Variants in RBPMS2 observed in about 807,000 individuals in gnomAD.
The protein encoded by RBPMS2 is RNA binding protein, mRNA processing factor 2.
In RBPMS2, 14 loss-of-function variants were observed where a neutral mutation model predicts 25.7. That is an observed-to-expected ratio of 0.55 (90% CI 0.36 to 0.85). The LOEUF (loss-of-function observed/expected upper bound fraction) is 0.85. Ranked by LOEUF, RBPMS2 falls within the 40% of genes least tolerant of loss-of-function variation. RBPMS2 has a pLI of 0.01. For synonymous variants in RBPMS2, 127 were observed against 115.6 expected (o/e 1.10, Z -0.63); for missense variants, 252 against 283.4 (o/e 0.89, Z 0.80).
chr15:64,773,967 T>TCA (rs1427395657), intron 1 of RBPMS2, among the ~76,000 whole-genome samples: 1 of 152,252 alleles, frequency 6.6e-6, no homozygotes, highest in African/African-American at 2.4e-5. Flanking sequence ...TGGACAGATG[T>TCA]CACAGTTGTA....
chr15:64,775,323 G>C lies in RBPMS2; in HGVS notation c.-4C>G. The C allele has an allele frequency of 7.7e-7, 1 of 1,301,610 alleles. No individual in the cohort carries two copies. Among genetic ancestry groups the C allele is most frequent in the South Asian group, 2.1e-5 (1 of 48,534 alleles). 80.6% of individuals were successfully genotyped at this position (1,301,610 alleles called of 1,614,324 possible). A position where few individuals can be genotyped will look rare whatever the true frequency, so the allele number is the denominator to read the frequency against. On this transcript the variant is annotated 5_prime_UTR_variant, in exon 1 of 8. Coordinates refer to ENST00000300069, the MANE Select transcript of RBPMS2 (RefSeq NM_194272.3). ...CGTCCGGCTTCAGGTTGCTCATGGT[G>C]CGGGGGAGGGGGCGGCGGGAAGGAA...
intron 1 of RBPMS2, among the ~76,000 whole-genome samples, chr15:64,766,249 C>T (rs746887448): frequency 3.9e-5 from 6 of 152,148 alleles, no homozygotes; most frequent in Non-Finnish European, 8.8e-5. Context: ...AAGGCAGATG[C>T]GCCTAGGCAA....
At chr15:64,747,751 A>G (rs539768350) in intron 6 of RBPMS2, among the ~76,000 whole-genome samples, 1 of 152,172 alleles carries the variant, frequency 6.6e-6, no homozygotes, top group Admixed American at 6.5e-5. Flanking sequence ...TTGGGCACCC[A>G]GCCCAGCACC....
intron 1 of RBPMS2, among the ~76,000 whole-genome samples, chr15:64,769,006 C>T (rs890432742): frequency 5.1e-5 from 7 of 138,592 alleles, no homozygotes; most frequent in African/African-American, 1.9e-4. Flanking sequence ...GAGGCTGAGG[C>T]AGGAGAATGG....
intron 6 of RBPMS2, among the ~76,000 whole-genome samples, chr15:64,747,730 C>G (rs2083631883): frequency 6.6e-6 from 1 of 152,194 alleles, no homozygotes; most frequent in South Asian, 2.1e-4. Context: ...GCCTGACTCC[C>G]TGCCTGCCCA....
intron 1 of RBPMS2, 129 bp downstream of exon 1, chr15:64,775,104 G>A: frequency 2.5e-6 from 1 of 401,674 alleles, no homozygotes; most frequent in Non-Finnish European, 4.0e-6. Flanking sequence ...CGGGCGAGAG[G>A]GCAGCGGCGG....
At chr15:64,771,031 A>G (rs1363548108) in intron 1 of RBPMS2, among the ~76,000 whole-genome samples, 2 of 152,212 alleles carry the variant, frequency 1.3e-5, no homozygotes, top group Admixed American at 6.5e-5. Flanking sequence ...CTTAGCTGCC[A>G]TTAACCCCTG....
chr15:64,774,342 C>T (rs900525412), intron 1 of RBPMS2, among the ~76,000 whole-genome samples: 7 of 152,208 alleles, frequency 4.6e-5, no homozygotes, highest in Admixed American at 1.3e-4. Context: ...TACTCCAGTT[C>T]TTGTCTCCGC....
chr15:64,759,661 T>C lies in RBPMS2; in HGVS notation c.88-8023A>G, dbSNP rs183117164. On this transcript the variant is annotated intron_variant, in intron 1 of 7. Transcript: ENST00000300069. ...TTGCGTGGAAAGGGACTCGGCCTGTTTTTCTTTTTTTAATTATTTTTTAAT... is the reference window on the plus strand; with the variant it reads ...TTGCGTGGAAAGGGACTCGGCCTGTCTTTCTTTTTTTAATTATTTTTTAAT... Among the ~76,000 whole-genome samples the C allele has an allele frequency of 1.8e-4, 27 of 151,796 alleles. 1 individual carries two copies. Among genetic ancestry groups the C allele is most frequent in the Admixed American group, 1.6e-3 (25 of 15,242 alleles).
chr15:64,754,587 G>A (rs1166170624), intron 1 of RBPMS2, among the ~76,000 whole-genome samples: 1 of 151,374 alleles, frequency 6.6e-6, no homozygotes, highest in African/African-American at 2.4e-5. Flanking sequence ...CTCCAGCCTG[G>A]GCAACAAGAG....
rs1484225076 is a variant in RBPMS2, at chr15:64,740,323, G to C, written c.*685C>G. On this transcript the variant is annotated 3_prime_UTR_variant, in exon 8 of 8. Coordinates refer to ENST00000300069, the MANE Select transcript of RBPMS2 (RefSeq NM_194272.3). Reference sequence around the variant, plus strand: ...AAGAATGAGGAGCAGCGGCGGGCGGGGTGCGCTGTGGAGAGGTGAACAGAA... The same window carrying C: ...AAGAATGAGGAGCAGCGGCGGGCGGCGTGCGCTGTGGAGAGGTGAACAGAA... The C allele has an allele frequency of 2.0e-5, 3 of 152,324 alleles. No individual in the cohort carries two copies. In the East Asian group the frequency reaches 5.8e-4, roughly 29 times the overall value. The allele number at this position is 152,324 out of a possible 1,614,324, so 9.4% of individuals were successfully genotyped here.
At chr15:64,774,207 G>T (rs549823039) in intron 1 of RBPMS2, among the ~76,000 whole-genome samples, 33 of 152,300 alleles carry the variant, frequency 2.2e-4, no homozygotes, top group African/African-American at 7.9e-4. Context: ...GGGGAAGGGC[G>T]CCCAAGGTGG....
chr15:64,742,534 G>A (rs1330950164), intron 6 of RBPMS2, among the ~76,000 whole-genome samples: 1 of 152,236 alleles, frequency 6.6e-6, no homozygotes, highest in Non-Finnish European at 1.5e-5. Context: ...TGGAAGGCAA[G>A]TATGCTGACT....
intron 5 of RBPMS2, among the ~76,000 whole-genome samples, 162 bp from the exon 6 acceptor site, chr15:64,748,729 C>T (rs12911708): frequency 0.8 from 121,589 of 151,952 alleles, 52,583 homozygotes; most frequent in East Asian, 0.96. Context: ...CACGTTAAAT[C>T]GGCCTGTCAT....
intron 6 of RBPMS2, among the ~76,000 whole-genome samples, chr15:64,745,135 G>T (rs1265842386): frequency 2.6e-5 from 4 of 152,056 alleles, no homozygotes; most frequent in Non-Finnish European, 5.9e-5. Context: ...GTTTTTAAAA[G>T]ATTAAATATG....
chr15:64,775,394 C>T lies in RBPMS2; in HGVS notation c.-75G>A. ...CGGCCCCGCGGGAAGTGGGAAGGGG[C>T]GCGGGGAGCGGTGCGCTCGCGGGTG... is the stretch of plus-strand genomic sequence containing the variant. On this transcript the variant is annotated 5_prime_UTR_variant, in exon 1 of 8. Transcript: ENST00000300069. 4.8e-6 allele frequency: 4 copies of T among 839,436 alleles called. No homozygotes were observed. Among genetic ancestry groups the T allele is most frequent in the South Asian group, 4.9e-5 (1 of 20,412 alleles). The allele number at this position is 839,436 out of a possible 1,614,324, so 52.0% of individuals were successfully genotyped here.
At chr15:64,758,464 G>C (rs1210028738) in intron 1 of RBPMS2, among the ~76,000 whole-genome samples, 4 of 152,244 alleles carry the variant, frequency 2.6e-5, no homozygotes, top group Non-Finnish European at 5.9e-5. Flanking sequence ...ACTTGTTGAG[G>C]AACAACCCTT....
intron 1 of RBPMS2, among the ~76,000 whole-genome samples, chr15:64,757,816 C>G (rs989885158): frequency 4.6e-5 from 7 of 151,560 alleles, no homozygotes; most frequent in South Asian, 2.1e-4. Context: ...CCTATCCCCC[C>G]CCACAAAAAA....
At position 64,756,495 on chromosome 15, in the gene RBPMS2, C is replaced by A. The variant is rs549561089; in HGVS notation, c.88-4857G>T. Among the ~76,000 whole-genome samples, 3 of 146,968 alleles carry A rather than the reference C, an allele frequency of 2.0e-5. No homozygotes were observed. The South Asian group carries it at 6.4e-4, about 31-fold the overall frequency. ...TCATACCATTGCACTCCATCCTGGG[C>A]AGGAGAGCAAGACCCTGTCTCAAAA... On this transcript the variant is annotated intron_variant, in intron 1 of 7. Transcript: ENST00000300069.
Sources: gnomAD v4.1 joint callset for allele counts (sites outside exome capture counted in the v4.1 genomes callset) on GRCh38, gnomAD v4.1.1 for gene constraint, MANE v1.5 for transcripts, NCBI Gene and HGNC (gene_info 2026-07-23, HGNC 2026-07-21) for gene names.